Variants in RPRD2 observed in about 807,000 individuals in gnomAD.
RPRD2 encodes regulation of nuclear pre-mRNA domain-containing protein 2.
In RPRD2, 12 loss-of-function variants were observed where a neutral mutation model predicts 104.4. The ratio of observed to expected loss-of-function variants is 0.11; its 90% CI spans 0.07 to 0.19. The LOEUF is 0.19. RPRD2 is among the 10% of genes least tolerant of loss of function. The pLI, the probability that RPRD2 is intolerant of heterozygous loss-of-function variation, is 1.00. For synonymous variants in RPRD2, 714 were observed against 684.9 expected (o/e 1.04, Z -0.66); for missense variants, 1,543 against 1,790.1 (o/e 0.86, Z 2.49).
At position 150,401,674 on chromosome 1, in the gene RPRD2, C is replaced by G. The variant is rs1553885420; in HGVS notation, c.206-15922C>G. Among the ~76,000 whole-genome samples the G allele has an allele frequency of 1.3e-4, 20 of 150,592 alleles. No individual in the cohort carries two copies. The South Asian group carries it at 4.0e-3, about 30-fold the overall frequency. On this transcript the variant is annotated intron_variant, in intron 1 of 10. Coordinates refer to ENST00000369068, the MANE Select transcript of RPRD2 (RefSeq NM_015203.5). ...TTGTTTTTTTTTTGAGACGGAGTGT[C>G]ACTCTGTCACCCAGGCTGGAGTGCA...
intron 1 of RPRD2, among the ~76,000 whole-genome samples, chr1:150,381,084 C>G (rs1203118451): frequency 6.6e-6 from 1 of 152,060 alleles, no homozygotes; most frequent in Non-Finnish European, 1.5e-5. Flanking sequence ...TTGTTTTGTT[C>G]ACCACTGCAT....
chr1:150,457,731 T>G (rs1346299124), intron 8 of RPRD2, among the ~76,000 whole-genome samples, 161 bp downstream of exon 8: 3 of 152,222 alleles, frequency 2.0e-5, no homozygotes, highest in Non-Finnish European at 2.9e-5. Flanking sequence ...GGATTTGATA[T>G]GCCAAATGTG....
rs1213765881 is a variant in RPRD2 at position 150,404,601 on chromosome 1, A to G, written c.206-12995A>G. 3.3e-5 allele frequency among the ~76,000 whole-genome samples: 5 copies of G among 152,118 alleles called. No homozygotes were observed. In the East Asian group the frequency reaches 7.7e-4, roughly 23 times the overall value. On this transcript the variant is annotated intron_variant, in intron 1 of 10. Coordinates refer to ENST00000369068, the MANE Select transcript of RPRD2 (RefSeq NM_015203.5). ...GTGGATGTCTTTGCTAGGCTGTATC[A>G]GATCTCATCCAAATAAAAAAAAATT... is the stretch of plus-strand genomic sequence containing the variant.
Position 150,446,393 on chromosome 1 carries a change from G to C in RPRD2, c.862G>C (p.Val288Leu), listed in dbSNP as rs1553895505. 6.3e-7 allele frequency: 1 copy of C among 1,588,462 alleles called. No individual in the cohort carries two copies. The highest frequency in any genetic ancestry group is 2.0e-5 in the Admixed American group (1 of 50,952). Reference sequence around the variant, plus strand: ...AGCACAATACAAAGAAGTAAAAGTGGTGGCTAATGTAAGTAATAATTAAAG... The same window carrying C: ...AGCACAATACAAAGAAGTAAAAGTGCTGGCTAATGTAAGTAATAATTAAAG... ...YEAQYKEVKV[V>L]ANAYKTFANR... Residue 288 changes from valine (V) to leucine (L), a missense_variant, in exon 7 of 11, where the codon GTG becomes CTG. By Grantham distance (32) the Val-to-Leu change is conservative. Around this residue, in one of 4 missense-constraint regions of RPRD2, gnomAD observed 572 missense variants for 787.3 expected, o/e 0.73. Coordinates refer to ENST00000369068, the MANE Select transcript of RPRD2 (RefSeq NM_015203.5).
chr1:150,395,768 C>G (rs1415896865), intron 1 of RPRD2, among the ~76,000 whole-genome samples: 1 of 152,178 alleles, frequency 6.6e-6, no homozygotes, highest in African/African-American at 2.4e-5. Flanking sequence ...CTCCGCCTCC[C>G]AAAGTGCTGG....
intron 2 of RPRD2, among the ~76,000 whole-genome samples, chr1:150,429,307 G>A (rs587647121): frequency 1.2e-4 from 18 of 152,134 alleles, no homozygotes; most frequent in African/African-American, 4.3e-4. Flanking sequence ...GGTCAGGCTG[G>A]TCTCGAACTC....
At chr1:150,413,012 A>AAAG (rs71293189) in intron 1 of RPRD2, among the ~76,000 whole-genome samples, 30,227 of 147,052 alleles carry the variant, frequency 0.21, 3,253 homozygotes, top group African/African-American at 0.28. Context: ...AAAGAAAAGA[A>AAAG]AAATAAATTT....
At chr1:150,459,315 C>T (rs587677231) in intron 8 of RPRD2, among the ~76,000 whole-genome samples, 2 of 152,244 alleles carry the variant, frequency 1.3e-5, no homozygotes, top group Non-Finnish European at 2.9e-5. Context: ...CCTGATTGCA[C>T]CCCCCAATAG....
Position 150,472,717 on chromosome 1 carries a change from C to T in RPRD2, c.3769C>T (p.Pro1257Ser). 1 of 1,613,780 alleles carries T rather than the reference C, an allele frequency of 6.2e-7. No homozygotes were observed. Among genetic ancestry groups the T allele is most frequent in the Non-Finnish European group, 8.5e-7 (1 of 1,179,676 alleles). ...AGCCCTGGCCCATGCTGCCCCACCCCCTCCTCCTGGAGAGCACAGTGGAAT... is the reference window on the plus strand; with the variant it reads ...AGCCCTGGCCCATGCTGCCCCACCCTCTCCTCCTGGAGAGCACAGTGGAAT... ...EAALAHAAPPPPPGEHSGIPF... is the reference protein window; with the variant it reads ...EAALAHAAPPSPPGEHSGIPF... The change falls in exon 11 of 11, where the codon CCT becomes TCT. Residue 1257 changes from proline to serine, a missense_variant. By Grantham distance (74) the Pro-to-Ser change is moderately conservative (BLOSUM62 -1). This residue lies in a region of RPRD2 where 880 missense variants were observed against 885.6 expected (regional missense o/e 0.99). Coordinates refer to ENST00000369068, the MANE Select transcript of RPRD2 (RefSeq NM_015203.5).
At chr1:150,372,107 A>G (rs899724752) in intron 1 of RPRD2, among the ~76,000 whole-genome samples, 2 of 152,192 alleles carry the variant, frequency 1.3e-5, no homozygotes, top group Non-Finnish European at 2.9e-5. Context: ...CAGTATTGCC[A>G]TAGGCATACA....
At chr1:150,376,556 A>G (rs1425477230) in intron 1 of RPRD2, among the ~76,000 whole-genome samples, 1 of 149,906 alleles carries the variant, frequency 6.7e-6, no homozygotes, top group Non-Finnish European at 1.5e-5. Flanking sequence ...GCTGGAGTGC[A>G]GTGGCGCCAT....
intron 1 of RPRD2, among the ~76,000 whole-genome samples, chr1:150,406,084 G>A (rs995441360): frequency 2.0e-5 from 3 of 152,168 alleles, no homozygotes; most frequent in South Asian, 2.1e-4. Context: ...TCTCCTATCT[G>A]TGAAATGATG....
chr1:150,417,591 T>A lies in RPRD2; in HGVS notation c.206-5T>A. On this transcript the variant is annotated splice_region_variant and splice_polypyrimidine_tract_variant and intron_variant, in intron 1 of 10. Coordinates refer to ENST00000369068, the MANE Select transcript of RPRD2 (RefSeq NM_015203.5). ...GTTTTATTTATTGTCTTTTGTCATC[T>A]CTAGCTGCATATCCCCACCGTTTGA... 1 of 1,540,774 alleles carries A rather than the reference T, an allele frequency of 6.5e-7. No individual in the cohort carries two copies. Among genetic ancestry groups the A allele is most frequent in the Non-Finnish European group, 8.8e-7 (1 of 1,135,094 alleles).
At chr1:150,442,040 C>G in intron 4 of RPRD2, 82 bp downstream of exon 4, 2 of 1,080,024 alleles carry the variant, frequency 1.9e-6, no homozygotes, top group South Asian at 1.4e-5. Flanking sequence ...GACATCGTAC[C>G]TGGCATAAAC....
chr1:150,420,269 A>T (rs1460464190), intron 2 of RPRD2, among the ~76,000 whole-genome samples: 1 of 152,128 alleles, frequency 6.6e-6, no homozygotes, highest in Non-Finnish European at 1.5e-5. Flanking sequence ...CCATGTAAAG[A>T]TATGTTTAAA....
chr1:150,421,891 C>G (rs142468726), intron 2 of RPRD2, among the ~76,000 whole-genome samples: 20 of 151,468 alleles, frequency 1.3e-4, no homozygotes, highest in African/African-American at 4.8e-4. Context: ...GCAGGAGGAT[C>G]TCTTGAGTCC....
chr1:150,437,939 C>T (rs1306383472), intron 2 of RPRD2, among the ~76,000 whole-genome samples: 1 of 141,414 alleles, frequency 7.1e-6, no homozygotes, highest in Non-Finnish European at 1.5e-5. Context: ...GTTGTCACTT[C>T]TTATATTTTT....
intron 1 of RPRD2, among the ~76,000 whole-genome samples, chr1:150,370,893 A>C (rs1472058315): frequency 6.6e-6 from 1 of 152,062 alleles, no homozygotes; most frequent in African/African-American, 2.4e-5. Context: ...TTTTCATAGA[A>C]ACTTTATGTA....
chr1:150,472,566 G>C lies in RPRD2; in HGVS notation c.3618G>C (p.Gln1206His), dbSNP rs770087242. Residue 1206 changes from glutamine (Q) to histidine (H), a missense_variant, in exon 11 of 11, where the codon CAG becomes CAC. By Grantham distance (24) the Gln-to-His change is conservative. Around this residue, in one of 4 missense-constraint regions of RPRD2, gnomAD observed 880 missense variants for 885.6 expected, o/e 0.99. Transcript: ENST00000369068. Reference protein sequence around the residue: ...PSPLEHGTPFQREPVGPSSAP... With the variant: ...PSPLEHGTPFHREPVGPSSAP... Reference sequence around the variant, plus strand: ...CCTTGGAACATGGGACACCCTTCCAGAGAGAGCCAGTGGGGCCATCATCTG... The same window carrying C: ...CCTTGGAACATGGGACACCCTTCCACAGAGAGCCAGTGGGGCCATCATCTG... The C allele has an allele frequency of 2.4e-5, 39 of 1,613,822 alleles. 1 individual carries two copies. In the South Asian group the frequency reaches 4.3e-4, roughly 18 times the overall value.
Sources: gnomAD v4.1 joint callset for allele counts (sites outside exome capture counted in the v4.1 genomes callset) on GRCh38, gnomAD v4.1.1 for gene constraint, gnomAD v4.1.1 regional missense constraint, MANE v1.5 for transcripts, NCBI Gene and HGNC (gene_info 2026-07-23, HGNC 2026-07-21) for gene names.